STARD13: variants seen among roughly 807,000 people sequenced by gnomAD.
STARD13 encodes the protein stAR-related lipid transfer protein 13.
Under a neutral mutation model 106.4 loss-of-function variants are expected in STARD13, and 62 were observed. The observed-to-expected ratio is 0.58, with a 90% CI of 0.48 to 0.72. STARD13 has a LOEUF of 0.72. STARD13 is among the 30% of genes least tolerant of loss of function. The pLI is 0.00. For synonymous variants in STARD13, 565 were observed against 553.0 expected (o/e 1.02, Z -0.31); for missense variants, 1,387 against 1,424.0 (o/e 0.97, Z 0.42).
intron 1 of STARD13, among the ~76,000 whole-genome samples, chr13:33,214,081 C>T (rs1887883411): frequency 6.6e-6 from 1 of 152,132 alleles, no homozygotes; most frequent in Non-Finnish European, 1.5e-5. Context: ...ATTCGGGGTT[C>T]GCATCACAAG....
chr13:33,605,640 T>C, the STARD13 span, among the ~76,000 whole-genome samples: 1 of 152,304 alleles, frequency 6.6e-6, no homozygotes, highest in South Asian at 2.1e-4. Context: ...ACACTTTGAA[T>C]AGCGCTGTTC....
At chr13:33,158,919 A>ATGAC (rs1566034633) in intron 3 of STARD13, 3 of 152,316 alleles carry the variant, frequency 2.0e-5, no homozygotes, top group African/African-American at 7.2e-5. Flanking sequence ...CACCCCGGGT[A>ATGAC]TGACTACTCC....
chr13:33,578,666 T>C, the STARD13 span, among the ~76,000 whole-genome samples: 1 of 151,956 alleles, frequency 6.6e-6, no homozygotes, highest in South Asian at 2.1e-4. Flanking sequence ...CTAATTAAAC[T>C]AAAAAGCTTC....
chr13:33,651,177 T>C, the STARD13 span, among the ~76,000 whole-genome samples: 4 of 152,224 alleles, frequency 2.6e-5, no homozygotes, highest in African/African-American at 7.2e-5. Context: ...AGAAACATAA[T>C]ATTTTAGATC....
At chr13:33,197,596 C>G (rs187264616) in intron 1 of STARD13, among the ~76,000 whole-genome samples, 1 of 152,174 alleles carries the variant, frequency 6.6e-6, no homozygotes, top group Non-Finnish European at 1.5e-5. Context: ...TCTCCGTCAG[C>G]GAGCCAATTC....
At chr13:33,162,773 C>A (rs1882784964) in intron 3 of STARD13, among the ~76,000 whole-genome samples, 1 of 151,702 alleles carries the variant, frequency 6.6e-6, no homozygotes, top group Non-Finnish European at 1.5e-5. Flanking sequence ...TTTTTCAAAG[C>A]CAATCAACAA....
the STARD13 span, among the ~76,000 whole-genome samples, chr13:33,618,525 C>A: frequency 2.7e-5 from 4 of 149,402 alleles, 1 homozygote; most frequent in Non-Finnish European, 4.6e-5. Context: ...TCATACATGC[C>A]CCATATATCT....
At chr13:33,454,889 T>G in the STARD13 span, among the ~76,000 whole-genome samples, 1 of 152,266 alleles carries the variant, frequency 6.6e-6, no homozygotes. Context: ...AAGGAAATGT[T>G]TAATAAGGAA....
the STARD13 span, among the ~76,000 whole-genome samples, chr13:33,588,037 T>C: frequency 6.6e-6 from 1 of 152,230 alleles, no homozygotes; most frequent in East Asian, 1.9e-4. Context: ...TATTGGACAG[T>C]CTGCTTTAGA....
intron 12 of STARD13, among the ~76,000 whole-genome samples, chr13:33,109,288 A>T (rs911594666): frequency 6.6e-6 from 1 of 152,092 alleles, no homozygotes; most frequent in Admixed American, 6.6e-5. Context: ...CCCCTTCCAA[A>T]CCCCAAGAAC....
chr13:33,577,555 T>A, the STARD13 span, among the ~76,000 whole-genome samples: 2 of 152,116 alleles, frequency 1.3e-5, no homozygotes, highest in African/African-American at 2.4e-5. Context: ...GAATAGAGAA[T>A]CCAGAAATAG....
chr13:33,535,875 A>G, the STARD13 span, among the ~76,000 whole-genome samples: 1 of 152,178 alleles, frequency 6.6e-6, no homozygotes, highest in Non-Finnish European at 1.5e-5. Flanking sequence ...AGCATATTAT[A>G]CAAGGCGAGA....
rs1203703976 is a variant in STARD13 at position 33,203,600 on chromosome 13, A to AT, written c.170-35979dup. 2.6e-5 allele frequency among the ~76,000 whole-genome samples: 4 copies of AT among 152,116 alleles called. No individual in the cohort carries two copies. In the East Asian group the frequency reaches 7.7e-4, roughly 29 times the overall value. On this transcript the variant is annotated intron_variant, in intron 1 of 13. Coordinates refer to ENST00000336934, the MANE Select transcript of STARD13 (RefSeq NM_178006.4). Reference sequence around the variant, plus strand: ...GCAGCATCACACCAATTTTAGCCCTATTTTTTAAAGTTCAACCTGTTTGAG... The same window carrying AT: ...GCAGCATCACACCAATTTTAGCCCTATTTTTTTAAAGTTCAACCTGTTTGAG...
Position 33,130,368 on chromosome 13 carries a change from T to A in STARD13, c.388-79A>T. 1 of 1,393,590 alleles carries A rather than the reference T, an allele frequency of 7.2e-7. No individual in the cohort carries two copies. The allele number at this position is 1,393,590 out of a possible 1,614,324, so 86.3% of individuals were successfully genotyped here. On this transcript the variant is annotated intron_variant, in intron 4 of 13. Coordinates refer to ENST00000336934, the MANE Select transcript of STARD13 (RefSeq NM_178006.4). The surrounding 1 kb of genome is among the most constrained non-coding windows in gnomAD (Gnocchi z 4.1). ...ACTCTGGGTGCTCTGAGGGCAGCCC[T>A]GTGTGGTCCTCCACCTCCCTCCCCT...
At chr13:33,325,393 T>C (rs2077762504) in intron 1 of STARD13, among the ~76,000 whole-genome samples, 1 of 152,238 alleles carries the variant, frequency 6.6e-6, no homozygotes, top group Non-Finnish European at 1.5e-5. Flanking sequence ...TCCTGATTAT[T>C]CTATACACAG....
chr13:33,275,302 A>T (rs1891369472), intron 1 of STARD13, among the ~76,000 whole-genome samples: 2 of 152,134 alleles, frequency 1.3e-5, no homozygotes, highest in African/African-American at 4.8e-5. Context: ...TGTATAACTT[A>T]CTCAAACATA....
chr13:33,426,247 A>G, the STARD13 span, among the ~76,000 whole-genome samples: 2 of 152,172 alleles, frequency 1.3e-5, no homozygotes. Context: ...ACCCTGTCCT[A>G]TTTTATAACA....
intron 1 of STARD13, among the ~76,000 whole-genome samples, chr13:33,265,456 A>G (rs1259721741): frequency 3.3e-5 from 5 of 152,206 alleles, no homozygotes; most frequent in African/African-American, 1.2e-4. Flanking sequence ...TTTACAAATT[A>G]ATCTTGGGGT....
the STARD13 span, among the ~76,000 whole-genome samples, chr13:33,470,826 C>T: frequency 6.6e-6 from 1 of 151,926 alleles, no homozygotes; most frequent in Non-Finnish European, 1.5e-5. Context: ...GGATACTAGC[C>T]CTTTGTCGGA....
Sources: gnomAD v4.1 joint callset for allele counts (sites outside exome capture counted in the v4.1 genomes callset) on GRCh38, gnomAD v4.1.1 for gene constraint, Gnocchi (gnomAD v3.1) non-coding constraint, MANE v1.5 for transcripts, NCBI Gene and HGNC (gene_info 2026-07-23, HGNC 2026-07-21) for gene names.